Variants in RPTOR observed in about 807,000 individuals in gnomAD.
RPTOR encodes regulatory associated protein of MTOR complex 1, also known as regulatory-associated protein of mTOR.
In RPTOR, 21 loss-of-function variants were observed where a neutral mutation model predicts 169.9. The ratio of observed to expected loss-of-function variants is 0.12; its 90% CI spans 0.09 to 0.18. The LOEUF (loss-of-function observed/expected upper bound fraction) is 0.18, where lower values mean the gene tolerates loss of function less well. RPTOR is among the 10% of genes least tolerant of loss of function. RPTOR has a pLI of 1.00. For synonymous variants in RPTOR, 732 were observed against 753.2 expected (o/e 0.97, Z 0.46); for missense variants, 1,133 against 1,855.9 (o/e 0.61, Z 7.16).
At chr17:80,747,905 G>A (rs959722718) in intron 5 of RPTOR, among the ~76,000 whole-genome samples, 3 of 152,144 alleles carry the variant, frequency 2.0e-5, no homozygotes, top group African/African-American at 7.3e-5. Context: ...ACAAATGGTT[G>A]GCAGCGATGG....
chr17:80,738,973 T>TA (rs1347980345), intron 5 of RPTOR, among the ~76,000 whole-genome samples: 3 of 127,682 alleles, frequency 2.3e-5, no homozygotes, highest in East Asian at 4.3e-4. Flanking sequence ...CAAAAATTCT[T>TA]AGAGTTTAAC....
intron 11 of RPTOR, among the ~76,000 whole-genome samples, chr17:80,848,489 C>A (rs1200306169): frequency 6.6e-6 from 1 of 152,234 alleles, no homozygotes; most frequent in African/African-American, 2.4e-5. Context: ...ACCAAGAACA[C>A]GCAGTGATAG....
chr17:80,559,517 C>T (rs190981654), intron 1 of RPTOR, among the ~76,000 whole-genome samples: 2 of 152,334 alleles, frequency 1.3e-5, no homozygotes, highest in African/African-American at 4.8e-5. Flanking sequence ...TGAGAAGCCA[C>T]GAACGTGTGC....
At chr17:80,649,622 G>C (rs1436361923) in intron 3 of RPTOR, among the ~76,000 whole-genome samples, 1 of 152,148 alleles carries the variant, frequency 6.6e-6, no homozygotes, top group East Asian at 1.9e-4. Context: ...TTTGCAGGAC[G>C]GTACAGACAA....
At chr17:80,856,111 C>A (rs2067849551) in intron 12 of RPTOR, among the ~76,000 whole-genome samples, 1 of 152,202 alleles carries the variant, frequency 6.6e-6, no homozygotes, top group African/African-American at 2.4e-5. Flanking sequence ...TGAGAGGGAA[C>A]CACAGAGTCA....
chr17:80,936,979 C>T lies in RPTOR; in HGVS notation c.2920-3517C>T, dbSNP rs1488481684. On this transcript the variant is annotated intron_variant, in intron 24 of 33. Coordinates refer to ENST00000306801, the MANE Select transcript of RPTOR (RefSeq NM_020761.3). The surrounding 1 kb of genome is among the most constrained non-coding windows in gnomAD (Gnocchi z 4.1). ...CTGTTGCCTGTGGACTCACGACGCACACCACTACCTCTTCCGCCTCTTCCT... is the reference window on the plus strand; with the variant it reads ...CTGTTGCCTGTGGACTCACGACGCATACCACTACCTCTTCCGCCTCTTCCT... Among the ~76,000 whole-genome samples the T allele has an allele frequency of 3.3e-5, 5 of 152,236 alleles. No individual in the cohort carries two copies. The highest frequency in any genetic ancestry group is 1.2e-4 in the African/African-American group (5 of 41,456).
At chr17:80,821,860 C>T (rs1280202084) in intron 7 of RPTOR, among the ~76,000 whole-genome samples, 1 of 152,212 alleles carries the variant, frequency 6.6e-6, no homozygotes, top group Non-Finnish European at 1.5e-5. Flanking sequence ...ATGTGGACTG[C>T]TTTCAGCACG....
Position 80,596,452 on chromosome 17 carries a change from G to A in RPTOR, c.163-29239G>A, listed in dbSNP as rs185718660. 1.8e-4 allele frequency among the ~76,000 whole-genome samples: 27 copies of A among 152,082 alleles called. No individual in the cohort carries two copies. In the East Asian group the frequency reaches 4.8e-3, roughly 27 times the overall value. On this transcript the variant is annotated intron_variant, in intron 1 of 33. Coordinates refer to ENST00000306801, the MANE Select transcript of RPTOR (RefSeq NM_020761.3). ...TTTTTAAATGTTTATCTTAGTGGTG[G>A]GTCCTCTTATGGGCTAGTCATTTGT...
intron 1 of RPTOR, among the ~76,000 whole-genome samples, chr17:80,591,470 C>T (rs1206956780): frequency 1.3e-5 from 2 of 150,614 alleles, no homozygotes; most frequent in East Asian, 2.0e-4. Context: ...CCTCTGCAAC[C>T]TGGGTTCAAG....
chr17:80,871,906 C>T (rs902281204), intron 13 of RPTOR, among the ~76,000 whole-genome samples: 1 of 152,164 alleles, frequency 6.6e-6, no homozygotes, highest in Non-Finnish European at 1.5e-5. Context: ...ACCCTTTCTG[C>T]AGGGAGCTTT....
intron 1 of RPTOR, among the ~76,000 whole-genome samples, chr17:80,567,315 T>C (rs1271658705): frequency 6.6e-6 from 1 of 151,950 alleles, no homozygotes; most frequent in African/African-American, 2.4e-5. Flanking sequence ...GTGGTGGTTC[T>C]AAGATTTTCA....
At chr17:80,824,727 T>C (rs1314699899) in intron 9 of RPTOR, among the ~76,000 whole-genome samples, 1 of 152,224 alleles carries the variant, frequency 6.6e-6, no homozygotes, top group Non-Finnish European at 1.5e-5. Flanking sequence ...GCAGGTTCCC[T>C]TACCAGGAAT....
chr17:80,876,110 C>T lies in RPTOR; in HGVS notation c.1510-4305C>T, dbSNP rs1426215552. On this transcript the variant is annotated intron_variant, in intron 13 of 33. Coordinates refer to ENST00000306801, the MANE Select transcript of RPTOR (RefSeq NM_020761.3). ...GTGTGTCACCTGCCGGGTCTTCCACCGAGCCCGTGCTGCCCAGGATGTGTG... is the reference window on the plus strand; with the variant it reads ...GTGTGTCACCTGCCGGGTCTTCCACTGAGCCCGTGCTGCCCAGGATGTGTG... Among the ~76,000 whole-genome samples, 17 of 136,936 alleles carry T rather than the reference C, an allele frequency of 1.2e-4. 1 individual carries two copies. Among genetic ancestry groups the T allele is most frequent in the African/African-American group, 4.8e-4 (16 of 33,478 alleles). 89.8% of individuals were successfully genotyped at this position (136,936 alleles called of 152,430 possible).
intron 5 of RPTOR, among the ~76,000 whole-genome samples, chr17:80,748,530 C>G (rs2066600265): frequency 8.7e-6 from 1 of 115,212 alleles, no homozygotes; most frequent in Non-Finnish European, 1.8e-5. Context: ...TGTTTAGAGG[C>G]CATGGCGGGA....
At chr17:80,684,260 T>A (rs890007532) in intron 3 of RPTOR, among the ~76,000 whole-genome samples, 2 of 152,088 alleles carry the variant, frequency 1.3e-5, no homozygotes, top group African/African-American at 4.8e-5. Context: ...TATGAGTATG[T>A]AAGTTATTAA....
At chr17:80,885,691 G>A (rs1475832636) in intron 17 of RPTOR, among the ~76,000 whole-genome samples, 6 of 152,014 alleles carry the variant, frequency 3.9e-5, no homozygotes, top group Non-Finnish European at 7.4e-5. Context: ...ACAGGTGCCC[G>A]CCACCACACT....
chr17:80,603,407 G>GTTTGACCCTGCGCGCTTTGCA (rs1199400076), intron 1 of RPTOR, among the ~76,000 whole-genome samples: 4 of 152,334 alleles, frequency 2.6e-5, no homozygotes, highest in Non-Finnish European at 1.5e-5. Flanking sequence ...AAGCACGCGT[G>GTTTGACCCTGCGCGCTTTGCA]TTTGACCCTG....
intron 7 of RPTOR, among the ~76,000 whole-genome samples, chr17:80,793,946 G>A (rs888852353): frequency 2.0e-5 from 3 of 152,178 alleles, no homozygotes; most frequent in African/African-American, 7.2e-5. Flanking sequence ...CCCCACTGTC[G>A]TCTGCCCAAC....
rs1312069553 is a variant in RPTOR, at chr17:80,582,780, G to A, written c.162+36989G>A. On this transcript the variant is annotated intron_variant, in intron 1 of 33. Coordinates refer to ENST00000306801, the MANE Select transcript of RPTOR (RefSeq NM_020761.3). Reference sequence around the variant, plus strand: ...AGGATGGTCTCGATCTCTTGACCTCGTGATCCGCCCGCCTCAGCCTCCCAA... The same window carrying A: ...AGGATGGTCTCGATCTCTTGACCTCATGATCCGCCCGCCTCAGCCTCCCAA... Among the ~76,000 whole-genome samples, 6 of 151,808 alleles carry A rather than the reference G, an allele frequency of 4.0e-5. No individual in the cohort carries two copies. In the East Asian group the frequency reaches 7.8e-4, roughly 20 times the overall value.
Sources: allele counts gnomAD v4.1 joint callset (sites outside exome capture counted in the v4.1 genomes callset), GRCh38; gene constraint gnomAD v4.1.1; non-coding constraint Gnocchi (gnomAD v3.1); transcripts MANE v1.5; gene names NCBI Gene and HGNC (gene_info 2026-07-23, HGNC 2026-07-21).